ZNF160: variants seen among roughly 807,000 people sequenced by gnomAD.
The protein encoded by ZNF160 is zinc finger protein 160.
Under a neutral mutation model 13.1 loss-of-function variants are expected in ZNF160, and 9 were observed. That is an observed-to-expected ratio of 0.69 (90% CI 0.41 to 1.20). ZNF160 has a LOEUF of 1.20. ZNF160 is among the 50% of genes most tolerant of loss of function. The pLI, the probability that ZNF160 is intolerant of heterozygous loss-of-function variation, is 0.01. For missense variants in ZNF160, 838 were observed against 988.0 expected (o/e 0.85, Z 2.04); for synonymous variants, 293 against 333.2 (o/e 0.88, Z 1.31).
intron 3 of ZNF160, 175 bp downstream of exon 3, chr19:53,086,087 C>T: frequency 7.3e-7 from 1 of 1,361,440 alleles, no homozygotes; most frequent in Non-Finnish European, 1.0e-6. Flanking sequence ...AAGTTCATGT[C>T]ACTGGATCAC....
chr19:53,090,467 T>C (rs1193013432), intron 2 of ZNF160, among the ~76,000 whole-genome samples: 1 of 152,246 alleles, frequency 6.6e-6, no homozygotes, highest in Non-Finnish European at 1.5e-5. Flanking sequence ...TATTTCCTCT[T>C]TCTCCTGTCT....
chr19:53,089,270 G>A (rs2084950845), intron 2 of ZNF160, among the ~76,000 whole-genome samples: 1 of 152,184 alleles, frequency 6.6e-6, no homozygotes, highest in Non-Finnish European at 1.5e-5. Context: ...GAATTGAGTT[G>A]AAGTATAAGT....
rs149005882 is a variant in ZNF160, at chr19:53,086,292, T to C, written c.-16A>G. 3.8e-5 allele frequency: 60 copies of C among 1,586,318 alleles called. 1 individual carries two copies. In the East Asian group the frequency reaches 1.3e-3, roughly 35 times the overall value. ...TAAGGGCCATCCCTGACTCCTTTTCTTTCCTCTTCCTCTTCTTCCAGACTT... is the reference window on the plus strand; with the variant it reads ...TAAGGGCCATCCCTGACTCCTTTTCCTTCCTCTTCCTCTTCTTCCAGACTT... On this transcript the variant is annotated 5_prime_UTR_variant, in exon 3 of 6. Coordinates refer to ENST00000683776, the MANE Select transcript of ZNF160 (RefSeq NM_001322131.2).
At chr19:53,085,939 G>T in intron 3 of ZNF160, 1 of 1,080,424 alleles carries the variant, frequency 9.3e-7, no homozygotes. Context: ...TTTACACAGC[G>T]CTGACAGTGC....
intron 5 of ZNF160, among the ~76,000 whole-genome samples, chr19:53,070,466 A>G (rs1050077916): frequency 6.6e-6 from 1 of 151,374 alleles, no homozygotes; most frequent in African/African-American, 2.4e-5. Flanking sequence ...GCTGGAGTGC[A>G]GTGGTGTGAT....
rs571906872 is a variant in ZNF160, at chr19:53,070,175, C to G, written c.359G>C (p.Arg120Thr). The G allele has an allele frequency of 6.2e-7, 1 of 1,614,046 alleles. No individual in the cohort carries two copies. Among genetic ancestry groups the G allele is most frequent in the Non-Finnish European group, 8.5e-7 (1 of 1,180,026 alleles). The change falls in exon 6 of 6, where the codon AGA becomes ACA. Residue 120 changes from arginine to threonine, a missense_variant. Transcript: ENST00000683776. ...GTCTTCAATGTCAGGGCTTTCGTGT[C>G]TTTCCAACACCACTGTGTGGAATAC... ...EAVFHTVVLE[R>T]HESPDIEDFS... is the part of the protein sequence containing the mutation.
chr19:53,098,003 A>C (rs2085300308), intron 1 of ZNF160, among the ~76,000 whole-genome samples: 1 of 152,162 alleles, frequency 6.6e-6, no homozygotes, highest in Admixed American at 6.5e-5. Flanking sequence ...GCCTGATTCC[A>C]CTGCCTTCAG....
chr19:53,078,003 A>T (rs1158741784), intron 3 of ZNF160, among the ~76,000 whole-genome samples: 2 of 152,028 alleles, frequency 1.3e-5, no homozygotes, highest in Non-Finnish European at 2.9e-5. Flanking sequence ...GCACTTTGGG[A>T]GGCTAAGGCG....
Position 53,075,286 on chromosome 19 carries a change from G to C in ZNF160, c.16-103C>G. On this transcript the variant is annotated intron_variant, in intron 3 of 5. Coordinates refer to ENST00000683776, the MANE Select transcript of ZNF160 (RefSeq NM_001322131.2). ...ATGTGAGAATAGGTTAAATTGAAGT[G>C]GGTGAGCTGACAGATCCAGATTGTG... The C allele has an allele frequency of 2.7e-6, 4 of 1,455,964 alleles. No individual in the cohort carries two copies. The South Asian group carries it at 3.9e-5, about 14-fold the overall frequency. 90.2% of individuals were successfully genotyped at this position (1,455,964 alleles called of 1,614,324 possible). A position where few individuals can be genotyped will look rare whatever the true frequency, so the allele number is the denominator to read the frequency against.
chr19:53,102,602 C>T (rs2085486679), intron 1 of ZNF160, among the ~76,000 whole-genome samples: 1 of 152,208 alleles, frequency 6.6e-6, no homozygotes, highest in African/African-American at 2.4e-5. Flanking sequence ...AAATCTCTCA[C>T]CCATCCTCCA....
At chr19:53,076,275 G>GAC (rs2084384095) in intron 3 of ZNF160, among the ~76,000 whole-genome samples, 1 of 152,228 alleles carries the variant, frequency 6.6e-6, no homozygotes, top group South Asian at 2.1e-4. Flanking sequence ...GGAAGTGTTA[G>GAC]ACATTATGTT....
intron 3 of ZNF160, chr19:53,075,579 G>T (rs2084356910): frequency 5.7e-6 from 2 of 353,788 alleles, no homozygotes; most frequent in African/African-American, 4.3e-5. Context: ...GCCAATAATG[G>T]AAGCAAGGCC....
intron 2 of ZNF160, among the ~76,000 whole-genome samples, chr19:53,090,249 C>T (rs776279559): frequency 2.0e-5 from 3 of 152,072 alleles, no homozygotes; most frequent in African/African-American, 7.2e-5. Flanking sequence ...TGAGGAGCCT[C>T]CCCCTTTCTG....
intron 1 of ZNF160, among the ~76,000 whole-genome samples, chr19:53,097,332 A>G (rs2146014890): frequency 6.8e-6 from 1 of 147,760 alleles, no homozygotes; most frequent in Non-Finnish European, 1.5e-5. Context: ...GCACCCACAG[A>G]CGCCCCCACA....
chr19:53,068,427 T>G lies in ZNF160; in HGVS notation c.2107A>C (p.Lys703Gln). The change falls in exon 6 of 6, where the codon AAA (lysine) becomes CAA (glutamine). Residue 703 changes from lysine (K) to glutamine (Q), a missense_variant. Transcript: ENST00000683776. ...CCACACTCATTGCATCGGTAAGGTT[T>G]CTCTCCGGTGTGAGTCCTTTGATGA... is the stretch of plus-strand genomic sequence containing the variant. ...ANHQRTHTGE[K>Q]PYRCNECGKA... 1 of 1,614,074 alleles carries G rather than the reference T, an allele frequency of 6.2e-7. No homozygotes were observed.
At chr19:53,086,140 C>T (rs1263654456) in intron 3 of ZNF160, 122 bp downstream of exon 3, 17 of 1,335,418 alleles carry the variant, frequency 1.3e-5, no homozygotes, top group Admixed American at 3.6e-5. Context: ...TGAGGGAAGG[C>T]GCGGGTGAGT....
chr19:53,082,541 G>A (rs568176642), intron 3 of ZNF160, among the ~76,000 whole-genome samples: 68 of 152,164 alleles, frequency 4.5e-4, no homozygotes, highest in African/African-American at 1.4e-3. Context: ...ATGGTGGTGC[G>A]TGCCTATAGT....
In ZNF160 at chr19:53,068,735, C is replaced by A. The variant is rs1172924190; in HGVS notation, c.1799G>T (p.Arg600Ile). ...TAGGCTTGAACGATCACTAAAGGCTCTGCCACAGTCATTACACTTGTAAGG... is the reference window on the plus strand; with the variant it reads ...TAGGCTTGAACGATCACTAAAGGCTATGCCACAGTCATTACACTTGTAAGG... ...EKPYKCNDCGRAFSDRSSLTF... is the reference protein window; with the variant it reads ...EKPYKCNDCGIAFSDRSSLTF... Residue 600 changes from arginine to isoleucine, a missense_variant, in exon 6 of 6, where the codon AGA (arginine) becomes ATA (isoleucine). Physicochemically the swap from Arg to Ile is moderately conservative, Grantham distance 97. Transcript: ENST00000683776. The A allele has an allele frequency of 6.2e-7, 1 of 1,613,858 alleles. No individual in the cohort carries two copies. The highest frequency in any genetic ancestry group is 1.3e-5 in the African/African-American group (1 of 74,862).
At chr19:53,085,198 A>G (rs916283922) in intron 3 of ZNF160, 15 of 985,342 alleles carry the variant, frequency 1.5e-5, no homozygotes, top group Non-Finnish European at 1.8e-5. Context: ...ACAAGGATGT[A>G]GAAAAGTGAG....
Sources: gnomAD v4.1 joint callset for allele counts (sites outside exome capture counted in the v4.1 genomes callset) on GRCh38, gnomAD v4.1.1 for gene constraint, MANE v1.5 for transcripts, NCBI Gene and HGNC (gene_info 2026-07-23, HGNC 2026-07-21) for gene names.